COG6: variants seen among roughly 807,000 people sequenced by gnomAD.
The protein encoded by COG6 is component of oligomeric golgi complex 6.
Under a neutral mutation model 88.8 loss-of-function variants are expected in COG6, and 74 were observed. That is an observed-to-expected ratio of 0.83 (90% CI 0.69 to 1.01). The LOEUF (loss-of-function observed/expected upper bound fraction) is 1.01. COG6 is among the 50% of genes least tolerant of loss of function. COG6 has a pLI of 0.00. For missense variants in COG6, 800 were observed against 797.9 expected (o/e 1.00, Z -0.03); for synonymous variants, 286 against 278.7 (o/e 1.03, Z -0.26).
exon 19 of COG6, chr13:39,790,694 C>T (rs140122058): frequency 1.1e-4 from 16 of 152,138 alleles, no homozygotes; most frequent in Non-Finnish European, 2.1e-4. Context: ...GGAGAACTGA[C>T]ATCTTTATAA....
intron 1 of COG6, chr13:39,656,086 G>C (rs974716601): frequency 9.9e-6 from 7 of 709,436 alleles, no homozygotes; most frequent in Admixed American, 6.1e-5. Context: ...AAAGCGAAGG[G>C]GTTTCCTGGG....
chr13:39,688,850 TA>T (rs1876818213), intron 10 of COG6, among the ~76,000 whole-genome samples: 1 of 152,194 alleles, frequency 6.6e-6, no homozygotes, highest in Non-Finnish European at 1.5e-5. Flanking sequence ...TAAAGTGTTC[TA>T]TTTTTGGTAG....
chr13:39,694,582 A>G, intron 11 of COG6, 52 bp from the exon 12 acceptor site: 1 of 1,151,024 alleles, frequency 8.7e-7, no homozygotes, highest in Non-Finnish European at 1.3e-6. Context: ...TATTAATGAA[A>G]AAAAGTTATA....
chr13:39,686,836 C>A (rs990530129), intron 8 of COG6, among the ~76,000 whole-genome samples: 1 of 151,964 alleles, frequency 6.6e-6, no homozygotes, highest in Non-Finnish European at 1.5e-5. Context: ...CTCAAGTGAT[C>A]CCCCTACCTC....
At chr13:39,686,311 A>C (rs1876635672) in intron 8 of COG6, among the ~76,000 whole-genome samples, 1 of 152,188 alleles carries the variant, frequency 6.6e-6, no homozygotes, top group South Asian at 2.1e-4. Context: ...AAGAACTTTC[A>C]ATTGAGGGAT....
intron 13 of COG6, among the ~76,000 whole-genome samples, chr13:39,718,540 C>A (rs1878662384): frequency 6.6e-6 from 1 of 152,094 alleles, no homozygotes; most frequent in East Asian, 1.9e-4. Context: ...GCATGTTACT[C>A]AGCCATGCAA....
chr13:39,783,029 A>G (rs1394625982), intron 18 of COG6, among the ~76,000 whole-genome samples: 1 of 152,208 alleles, frequency 6.6e-6, no homozygotes, highest in African/African-American at 2.4e-5. Context: ...TTTTCTATAC[A>G]TATATTATAG....
At chr13:39,675,087 ATAT>A (rs1295876915) in intron 4 of COG6, among the ~76,000 whole-genome samples, 2 of 152,130 alleles carry the variant, frequency 1.3e-5, no homozygotes, top group African/African-American at 2.4e-5. Context: ...TATATTTCAC[ATAT>A]TATTATTTAT....
At chr13:39,687,659 G>A (rs1395273466) in intron 9 of COG6, 28 bp downstream of exon 9, 1 of 1,613,900 alleles carries the variant, frequency 6.2e-7, no homozygotes, top group African/African-American at 1.3e-5. Context: ...CAGAAGAGGA[G>A]TTGATGTTTT....
At chr13:39,783,258 C>A (rs1181426222) in intron 18 of COG6, among the ~76,000 whole-genome samples, 1 of 152,080 alleles carries the variant, frequency 6.6e-6, no homozygotes, top group Non-Finnish European at 1.5e-5. Flanking sequence ...CAATCCTATG[C>A]CCTTTGTTAG....
chr13:39,686,202 T>A (rs1322291098), intron 8 of COG6, among the ~76,000 whole-genome samples: 1 of 152,226 alleles, frequency 6.6e-6, no homozygotes. Flanking sequence ...AAATTTAGTA[T>A]GGTAGAATAC....
At chr13:39,662,037 T>G (rs547777487) in intron 3 of COG6, among the ~76,000 whole-genome samples, 26 of 152,046 alleles carry the variant, frequency 1.7e-4, no homozygotes, top group Admixed American at 1.7e-3. Context: ...CATAGAGAGA[T>G]TTAAATATAA....
At chr13:39,708,738 T>C (rs1241455329) in intron 13 of COG6, among the ~76,000 whole-genome samples, 1 of 152,208 alleles carries the variant, frequency 6.6e-6, no homozygotes, top group Non-Finnish European at 1.5e-5. Flanking sequence ...TTTGATAGAT[T>C]GAAAAACTAG....
intron 13 of COG6, among the ~76,000 whole-genome samples, chr13:39,711,946 A>T (rs1878264144): frequency 6.6e-6 from 1 of 151,924 alleles, no homozygotes; most frequent in Non-Finnish European, 1.5e-5. Context: ...TACAACCTCC[A>T]CCTCCTGGGT....
intron 18 of COG6, among the ~76,000 whole-genome samples, chr13:39,740,483 C>G (rs1207328775): frequency 6.6e-6 from 1 of 152,144 alleles, no homozygotes; most frequent in African/African-American, 2.4e-5. Context: ...GTAATTGAAT[C>G]AAGGTCAAAA....
intron 7 of COG6, among the ~76,000 whole-genome samples, chr13:39,680,730 G>A (rs1310264259): frequency 1.3e-5 from 2 of 152,076 alleles, no homozygotes; most frequent in Non-Finnish European, 2.9e-5. Context: ...TGCATTCTTC[G>A]GCTTGCGGCC....
intron 18 of COG6, among the ~76,000 whole-genome samples, chr13:39,774,572 TTC>T (rs766973148): frequency 2.0e-5 from 3 of 151,954 alleles, no homozygotes; most frequent in Admixed American, 6.6e-5. Flanking sequence ...GGAAAAAAAT[TTC>T]TTTTTTCTTT....
At chr13:39,656,912 C>T (rs1874546631) in intron 1 of COG6, 3 of 454,672 alleles carry the variant, frequency 6.6e-6, no homozygotes, top group Admixed American at 2.4e-5. Context: ...TGCAAAGAGC[C>T]TGGCACTTAC....
intron 17 of COG6, 79 bp downstream of exon 17, chr13:39,724,640 AT>A: frequency 9.2e-7 from 1 of 1,084,106 alleles, no homozygotes; most frequent in Non-Finnish European, 1.4e-6. Context: ...TGATAATTTC[AT>A]TCTGGGTGAC....
Sources: allele counts gnomAD v4.1 joint callset (sites outside exome capture counted in the v4.1 genomes callset), GRCh38; gene constraint gnomAD v4.1.1; transcripts MANE v1.5; gene names NCBI Gene and HGNC (gene_info 2026-07-23, HGNC 2026-07-21).